Variants in FA2H observed in about 807,000 individuals in gnomAD.
FA2H encodes fatty acid 2-hydroxylase, also known as fatty acid alpha-hydroxylase.
A neutral mutation model predicts 44.9 loss-of-function variants in FA2H; 22 were observed. That is an observed-to-expected ratio of 0.49 (90% confidence interval 0.35 to 0.70). The LOEUF (loss-of-function observed/expected upper bound fraction) is 0.70. Ranked by LOEUF, FA2H falls within the 30% of genes least tolerant of loss-of-function variation. The pLI is 0.01. For missense variants in FA2H, 501 were observed against 504.9 expected (o/e 0.99, Z 0.07); for synonymous variants, 243 against 213.2 (o/e 1.14, Z -1.22).
chr16:74,717,334 T>G (rs35937344), intron 5 of FA2H, among the ~76,000 whole-genome samples: 12,037 of 152,080 alleles, frequency 0.079, 625 homozygotes, highest in Non-Finnish European at 0.12. Flanking sequence ...CACAATGAGA[T>G]GCTGGCGTGG....
rs563704645 is a variant in FA2H, at chr16:74,774,469, C to T, written c.270+17G>A. ...CGGAGGCCTGGGTTGGGGTGGGGGG[C>T]CCCGGCCCGGCTGTACCTGCTGCTC... On this transcript the variant is annotated intron_variant, in intron 1 of 6. Transcript: ENST00000219368. 6 of 1,495,964 alleles carry T rather than the reference C, an allele frequency of 4.0e-6. No individual in the cohort carries two copies. The African/African-American group carries it at 4.2e-5, about 11-fold the overall frequency. The allele number at this position is 1,495,964 out of a possible 1,614,324, so 92.7% of individuals were successfully genotyped here. A position where few individuals can be genotyped will look rare whatever the true frequency, so the allele number is the denominator to read the frequency against.
At chr16:74,743,991 T>C (rs1962365646) in intron 1 of FA2H, among the ~76,000 whole-genome samples, 1 of 151,986 alleles carries the variant, frequency 6.6e-6, no homozygotes, top group Non-Finnish European at 1.5e-5. Flanking sequence ...AGATTCTAGG[T>C]CTAAAAACCC....
intron 3 of FA2H, 32 bp downstream of exon 3, chr16:74,727,212 A>C: frequency 6.2e-7 from 1 of 1,613,644 alleles, no homozygotes; most frequent in Admixed American, 1.7e-5. Context: ...GAAGAGAGGG[A>C]CAGCCTGCCA....
chr16:74,758,638 G>A (rs1016938726), intron 1 of FA2H, among the ~76,000 whole-genome samples: 2 of 152,034 alleles, frequency 1.3e-5, no homozygotes, highest in Non-Finnish European at 2.9e-5. Flanking sequence ...TAGAATGAGA[G>A]TTTCTAGGCC....
chr16:74,754,613 T>C lies in FA2H; in HGVS notation c.271-14498A>G, dbSNP rs976041008. On this transcript the variant is annotated intron_variant, in intron 1 of 6. Coordinates refer to ENST00000219368, the MANE Select transcript of FA2H (RefSeq NM_024306.5). ...CGTGATCTCAGCTCACTGAGACCTC[T>C]GACTCCTGGGCTCAAGTGATCCTCC... Among the ~76,000 whole-genome samples, 145 of 152,044 alleles carry C rather than the reference T, an allele frequency of 9.5e-4. 1 individual carries two copies. Among genetic ancestry groups the C allele is most frequent in the African/African-American group, 3.3e-3 (138 of 41,468 alleles).
At chr16:74,773,189 T>G (rs746924225) in intron 1 of FA2H, among the ~76,000 whole-genome samples, 3 of 152,208 alleles carry the variant, frequency 2.0e-5, no homozygotes, top group Non-Finnish European at 4.4e-5. Context: ...TGTTATCATC[T>G]TACATTATCA....
chr16:74,763,779 T>C (rs1046163141), intron 1 of FA2H, among the ~76,000 whole-genome samples: 2 of 152,238 alleles, frequency 1.3e-5, no homozygotes, highest in East Asian at 3.8e-4. Flanking sequence ...GCAGGTTGCA[T>C]GGTTCACTCT....
rs1204462145 is a variant in FA2H at position 74,745,299 on chromosome 16, G to C, written c.271-5184C>G. On this transcript the variant is annotated intron_variant, in intron 1 of 6. Transcript: ENST00000219368. ...TGCACTAGAGACCCCACTCAATCTT[G>C]CTAACTGCTCACTCCCTAGTCCCCA... Among the ~76,000 whole-genome samples the C allele has an allele frequency of 2.6e-5, 4 of 152,168 alleles. No individual in the cohort carries two copies. In the East Asian group the frequency reaches 7.7e-4, roughly 29 times the overall value.
intron 1 of FA2H, among the ~76,000 whole-genome samples, chr16:74,746,059 G>C (rs1302235191): frequency 6.6e-6 from 1 of 151,346 alleles, no homozygotes; most frequent in Non-Finnish European, 1.5e-5. Context: ...TGCCCGCCTC[G>C]GCCTCCTTGG....
At chr16:74,752,349 C>T (rs1464324522) in intron 1 of FA2H, among the ~76,000 whole-genome samples, 1 of 152,132 alleles carries the variant, frequency 6.6e-6, no homozygotes, top group Non-Finnish European at 1.5e-5. Flanking sequence ...AAATCTAAAT[C>T]CCTGGCCATG....
At chr16:74,765,090 G>C (rs1201292443) in intron 1 of FA2H, among the ~76,000 whole-genome samples, 1 of 152,062 alleles carries the variant, frequency 6.6e-6, no homozygotes, top group Non-Finnish European at 1.5e-5. Context: ...TGACTTGCTT[G>C]ATGGTTCTCC....
At chr16:74,744,027 C>A (rs573006242) in intron 1 of FA2H, among the ~76,000 whole-genome samples, 7 of 152,306 alleles carry the variant, frequency 4.6e-5, no homozygotes, top group Admixed American at 2.6e-4. Context: ...AAGACAAAGA[C>A]CCTTCTGAAG....
chr16:74,746,372 A>T lies in FA2H; in HGVS notation c.271-6257T>A, dbSNP rs937877466. Among the ~76,000 whole-genome samples the T allele has an allele frequency of 1.4e-4, 13 of 92,232 alleles. No individual in the cohort carries two copies. In the East Asian group the frequency reaches 1.5e-3, roughly 11 times the overall value. 60.5% of individuals were successfully genotyped at this position (92,232 alleles called of 152,430 possible). A position where few individuals can be genotyped will look rare whatever the true frequency, so the allele number is the denominator to read the frequency against. On this transcript the variant is annotated intron_variant, in intron 1 of 6. Transcript: ENST00000219368. ...ACTCCTGGGCTCAATTATTATTATT[A>T]TTATTATTTTTTTTTTGGTAGAAAA...
intron 4 of FA2H, among the ~76,000 whole-genome samples, chr16:74,723,096 G>A (rs1961874617): frequency 6.6e-6 from 1 of 152,182 alleles, no homozygotes; most frequent in South Asian, 2.1e-4. Context: ...TTTAACCTGA[G>A]GCTTATGAAT....
intron 1 of FA2H, among the ~76,000 whole-genome samples, chr16:74,769,764 C>T (rs1422501216): frequency 6.6e-6 from 1 of 152,232 alleles, no homozygotes; most frequent in Non-Finnish European, 1.5e-5. Flanking sequence ...CATGTGGCTG[C>T]AGCTGGCAGA....
At chr16:74,767,907 A>C (rs537585193) in intron 1 of FA2H, among the ~76,000 whole-genome samples, 17 of 152,334 alleles carry the variant, frequency 1.1e-4, no homozygotes, top group Non-Finnish European at 2.9e-5. Context: ...AAGGGTGATC[A>C]ATGGTGTCAC....
At chr16:74,740,211 G>C in intron 1 of FA2H, 96 bp from the exon 2 acceptor site, 1 of 962,988 alleles carries the variant, frequency 1.0e-6, no homozygotes, top group East Asian at 2.4e-5. Context: ...GGAGTGGTGA[G>C]AGCCCCGTGG....
At chr16:74,770,015 A>G (rs1448664971) in intron 1 of FA2H, among the ~76,000 whole-genome samples, 3 of 152,342 alleles carry the variant, frequency 2.0e-5, no homozygotes, top group Admixed American at 2.0e-4. Flanking sequence ...AGGGGGAACA[A>G]ACGGGTCCAG....
Position 74,714,037 on chromosome 16 carries a change from A to C in FA2H, c.*153T>G, listed in dbSNP as rs1162154199. 1 of 612,960 alleles carries C rather than the reference A, an allele frequency of 1.6e-6. No individual in the cohort carries two copies. Among genetic ancestry groups the C allele is most frequent in the Non-Finnish European group, 2.9e-6 (1 of 340,646 alleles). The allele number at this position is 612,960 out of a possible 1,614,324, so 38.0% of individuals were successfully genotyped here. A position where few individuals can be genotyped will look rare whatever the true frequency, so the allele number is the denominator to read the frequency against. ...GGGGTCAGGAGGGCGGTCCTGCCTC[A>C]GGGCCCCCTCAGCACCTTCCACTAG... On this transcript the variant is annotated 3_prime_UTR_variant, in exon 7 of 7. Coordinates refer to ENST00000219368, the MANE Select transcript of FA2H (RefSeq NM_024306.5).
Sources: gnomAD v4.1 joint callset for allele counts (sites outside exome capture counted in the v4.1 genomes callset) on GRCh38, gnomAD v4.1.1 for gene constraint, MANE v1.5 for transcripts, NCBI Gene and HGNC (gene_info 2026-07-23, HGNC 2026-07-21) for gene names.